ZNF277: variants seen among roughly 807,000 people sequenced by gnomAD.
ZNF277 encodes the protein nuclear receptor-interacting factor 4.
ZNF277 carries 55 observed loss-of-function variants against 60.7 expected under a neutral mutation model. The observed-to-expected ratio is 0.91, with a 90% CI of 0.73 to 1.13. The LOEUF (loss-of-function observed/expected upper bound fraction) is 1.13, where lower values mean the gene tolerates loss of function less well. Ranked by LOEUF, ZNF277 falls within the 50% of genes most tolerant of loss-of-function variation. The pLI is 0.00. For missense variants in ZNF277, 510 were observed against 523.0 expected (o/e 0.98, Z 0.24); for synonymous variants, 178 against 179.3 (o/e 0.99, Z 0.06).
chr7:112,317,343 G>C (rs891076166), intron 4 of ZNF277, among the ~76,000 whole-genome samples: 1 of 151,956 alleles, frequency 6.6e-6, no homozygotes, highest in Non-Finnish European at 1.5e-5. Flanking sequence ...GATTAAAGAA[G>C]TTAAATATCA....
intron 1 of ZNF277, among the ~76,000 whole-genome samples, chr7:112,255,854 C>T (rs1311552036): frequency 1.3e-5 from 2 of 152,234 alleles, no homozygotes; most frequent in Non-Finnish European, 2.9e-5. Context: ...TGCTTTTCCA[C>T]ACTGGACTTG....
intron 3 of ZNF277, 117 bp downstream of exon 3, chr7:112,296,074 G>A (rs1792319608): frequency 9.6e-7 from 1 of 1,040,376 alleles, no homozygotes; most frequent in African/African-American, 1.6e-5. Context: ...TTAAATTGAT[G>A]TGTTTATTTT....
chr7:112,306,301 G>A (rs996253913), intron 4 of ZNF277, among the ~76,000 whole-genome samples: 5 of 143,772 alleles, frequency 3.5e-5, no homozygotes, highest in Non-Finnish European at 7.5e-5. Flanking sequence ...TGCAGCCTCC[G>A]CCTTCCGAAT....
chr7:112,284,057 C>T (rs945627960), intron 1 of ZNF277, among the ~76,000 whole-genome samples: 3 of 152,210 alleles, frequency 2.0e-5, no homozygotes, highest in Non-Finnish European at 4.4e-5. Context: ...AGGCTACTGA[C>T]TAACATTGTG....
chr7:112,233,676 A>G (rs1421781244), intron 1 of ZNF277, among the ~76,000 whole-genome samples: 1 of 152,166 alleles, frequency 6.6e-6, no homozygotes, highest in Non-Finnish European at 1.5e-5. Flanking sequence ...TGGTTTTCAA[A>G]TTGACTACAG....
rs763946461 is a variant in ZNF277, at chr7:112,295,945, AC to A, written c.371del (p.Thr124MetfsTer32). On this transcript the variant is annotated frameshift_variant, in exon 3 of 12. Transcript: ENST00000361822. LOFTEE classifies it high-confidence loss of function. ...DFCSVIRINSTAPFEEQENYF... is the reference protein window; with the variant it reads ...DFCSVIRINSXAPFEEQENYF... ...TTGTAGTGTAATAAGAATTAATTCC[AC>A]TGCTCCATTTGGTAAGTGTACATCT... 1 of 1,611,378 alleles carries A rather than the reference AC, an allele frequency of 6.2e-7. No homozygotes were observed. The highest frequency in any genetic ancestry group is 1.1e-5 in the South Asian group (1 of 90,998).
intron 1 of ZNF277, among the ~76,000 whole-genome samples, chr7:112,226,222 C>T (rs1055171224): frequency 1.3e-5 from 2 of 152,098 alleles, no homozygotes; most frequent in East Asian, 1.9e-4. Flanking sequence ...TAATCACTGT[C>T]GTTCATCTTC....
intron 1 of ZNF277, among the ~76,000 whole-genome samples, chr7:112,230,663 T>C (rs1255512623): frequency 2.6e-5 from 4 of 152,238 alleles, no homozygotes; most frequent in Admixed American, 2.6e-4. Flanking sequence ...AAATTTGCTT[T>C]ATTTTCTAAA....
At chr7:112,289,478 C>T (rs778142760) in intron 2 of ZNF277, among the ~76,000 whole-genome samples, 14 of 152,208 alleles carry the variant, frequency 9.2e-5, no homozygotes, top group Non-Finnish European at 1.8e-4. Flanking sequence ...TCCCTACATG[C>T]TCTCATAGGA....
intron 1 of ZNF277, among the ~76,000 whole-genome samples, chr7:112,247,720 C>T (rs1209334681): frequency 6.6e-6 from 1 of 152,056 alleles, no homozygotes; most frequent in East Asian, 1.9e-4. Context: ...GTAATCCCAC[C>T]ACTTTGGGAA....
chr7:112,273,928 G>C (rs1460240054), intron 1 of ZNF277, among the ~76,000 whole-genome samples: 1 of 151,960 alleles, frequency 6.6e-6, no homozygotes, highest in African/African-American at 2.4e-5. Context: ...GCTAAGACTT[G>C]CCTAATTTAA....
At chr7:112,337,929 T>C in intron 9 of ZNF277, 103 bp downstream of exon 9, 2 of 978,508 alleles carry the variant, frequency 2.0e-6, no homozygotes, top group Non-Finnish European at 3.0e-6. Flanking sequence ...CAATCATTAT[T>C]CCAACCAGAA....
At chr7:112,331,655 T>C (rs576001567) in intron 7 of ZNF277, among the ~76,000 whole-genome samples, 23 of 152,306 alleles carry the variant, frequency 1.5e-4, no homozygotes, top group South Asian at 1.4e-3. Context: ...TGCCATGGTT[T>C]TCTACAAATG....
chr7:112,209,722 A>G (rs181227463), intron 1 of ZNF277, among the ~76,000 whole-genome samples: 14 of 152,368 alleles, frequency 9.2e-5, no homozygotes, highest in Admixed American at 8.5e-4. Flanking sequence ...AAGGTGTGAT[A>G]TAAATTTTAG....
At chr7:112,263,901 T>G (rs1009458261) in intron 1 of ZNF277, among the ~76,000 whole-genome samples, 1 of 152,110 alleles carries the variant, frequency 6.6e-6, no homozygotes, top group African/African-American at 2.4e-5. Flanking sequence ...TTCTCAGGCT[T>G]CATGAAAGTT....
intron 1 of ZNF277, among the ~76,000 whole-genome samples, chr7:112,248,500 A>T (rs1791133579): frequency 6.6e-6 from 1 of 152,152 alleles, no homozygotes; most frequent in South Asian, 2.1e-4. Context: ...TTCCAATTAT[A>T]ATAATGCATT....
chr7:112,225,308 C>G (rs1288723432), intron 1 of ZNF277, among the ~76,000 whole-genome samples: 1 of 152,174 alleles, frequency 6.6e-6, no homozygotes. Flanking sequence ...ATTACAGTTG[C>G]CCATATGGCC....
chr7:112,238,058 A>G (rs1218740667), intron 1 of ZNF277, among the ~76,000 whole-genome samples: 1 of 152,202 alleles, frequency 6.6e-6, no homozygotes, highest in East Asian at 1.9e-4. Context: ...CACCAAATTG[A>G]ACAACTATCC....
chr7:112,299,315 G>GT (rs1792421852), intron 4 of ZNF277, among the ~76,000 whole-genome samples: 1 of 152,098 alleles, frequency 6.6e-6, no homozygotes, highest in Admixed American at 6.6e-5. Context: ...TGAAACAAAA[G>GT]TAACAGTATA....
Sources: gnomAD v4.1 joint callset for allele counts (sites outside exome capture counted in the v4.1 genomes callset) on GRCh38, gnomAD v4.1.1 for gene constraint, MANE v1.5 for transcripts, NCBI Gene and HGNC (gene_info 2026-07-23, HGNC 2026-07-21) for gene names.